Variants in ZNF787 observed in about 807,000 individuals in gnomAD.
The protein encoded by ZNF787 is TTF-I-interacting peptide 20.
In ZNF787, 7 loss-of-function variants were observed where a neutral mutation model predicts 16.9. The ratio of observed to expected loss-of-function variants is 0.42; its 90% confidence interval spans 0.24 to 0.78. ZNF787 has a LOEUF of 0.78. ZNF787 is among the 30% of genes least tolerant of loss of function. The pLI is 0.30. For missense variants in ZNF787, 551 were observed against 589.3 expected, an observed-to-expected ratio of 0.94 and a Z score of 0.67; for synonymous variants, 345 against 270.9, an observed-to-expected ratio of 1.27 and a Z score of -2.69.
chr19:56,101,312 C>A (rs998011202), intron 2 of ZNF787, among the ~76,000 whole-genome samples: 1 of 152,260 alleles, frequency 6.6e-6, no homozygotes, highest in Non-Finnish European at 1.5e-5. Flanking sequence ...TCTTTGACAG[C>A]CGAGCAAGGG....
intron 2 of ZNF787, among the ~76,000 whole-genome samples, chr19:56,091,925 A>AGCCGCAGCCGCAGCCGC (rs1568523344): frequency 9.9e-6 from 1 of 101,058 alleles, no homozygotes; most frequent in East Asian, 2.2e-4. Flanking sequence ...GCCGCAGCCG[A>AGCCGCAGCCGCAGCCGC]AGCCGAAGCC....
intron 2 of ZNF787, among the ~76,000 whole-genome samples, chr19:56,090,246 G>A (rs1034275579): frequency 1.3e-5 from 2 of 152,282 alleles, no homozygotes; most frequent in Admixed American, 6.5e-5. Flanking sequence ...ACACTTCAGC[G>A]TCAGGTCCTC....
chr19:56,120,647 G>A (rs1052961097), intron 1 of ZNF787, among the ~76,000 whole-genome samples: 11 of 151,910 alleles, frequency 7.2e-5, no homozygotes, highest in African/African-American at 2.7e-4. Flanking sequence ...GGCTGGGGGG[G>A]CCGAGGGCTG....
At chr19:56,105,941 C>T (rs1444699817) in intron 1 of ZNF787, among the ~76,000 whole-genome samples, 1 of 144,672 alleles carries the variant, frequency 6.9e-6, no homozygotes, top group Non-Finnish European at 1.5e-5. Context: ...CGGCAGTCAC[C>T]GCGCATTCCC....
chr19:56,101,891 G>A (rs1243139782), intron 2 of ZNF787: 1 of 152,212 alleles, frequency 6.6e-6, no homozygotes, highest in African/African-American at 2.4e-5. Context: ...CAGCCCTCGA[G>A]GGCTGTGGCG....
intron 2 of ZNF787, among the ~76,000 whole-genome samples, chr19:56,096,255 A>AAAAAATT (rs1481029884): frequency 1.0e-3 from 25 of 24,964 alleles, no homozygotes; most frequent in Non-Finnish European, 4.0e-3. Context: ...TAAAAAAATA[A>AAAAAATT]AAAAAATAAA....
At chr19:56,108,186 T>G (rs2029883602) in intron 1 of ZNF787, among the ~76,000 whole-genome samples, 1 of 151,956 alleles carries the variant, frequency 6.6e-6, no homozygotes, top group African/African-American at 2.4e-5. Context: ...AAGGCAGCCC[T>G]GCCAGGAGGC....
At chr19:56,118,042 T>C (rs867374110) in intron 1 of ZNF787, among the ~76,000 whole-genome samples, 1 of 152,244 alleles carries the variant, frequency 6.6e-6, no homozygotes, top group Admixed American at 6.5e-5. Flanking sequence ...AGCCTCAAGT[T>C]GCCAGGTCCC....
At chr19:56,093,654 A>C (rs936691550) in intron 2 of ZNF787, among the ~76,000 whole-genome samples, 9 of 152,160 alleles carry the variant, frequency 5.9e-5, no homozygotes, top group African/African-American at 2.2e-4. Context: ...CGGGGTTCAC[A>C]GGGCTGTTGC....
intron 2 of ZNF787, 70 bp from the exon 3 acceptor site, chr19:56,089,162 C>T (rs1030918754): frequency 1.5e-5 from 19 of 1,246,218 alleles, no homozygotes; most frequent in Admixed American, 6.8e-5. Flanking sequence ...TTGGCTGCTA[C>T]GCTGGCCTCG....
chr19:56,112,664 C>A (rs2030014973), intron 1 of ZNF787, among the ~76,000 whole-genome samples: 1 of 151,080 alleles, frequency 6.6e-6, no homozygotes, highest in Non-Finnish European at 1.5e-5. Context: ...GTCTCTTATT[C>A]CTTCCCCTCT....
intron 2 of ZNF787, among the ~76,000 whole-genome samples, chr19:56,100,630 G>GCCAACACCCGCCACC: frequency 6.6e-6 from 1 of 152,044 alleles, no homozygotes; most frequent in Non-Finnish European, 1.5e-5. Flanking sequence ...CCATGGCCAG[G>GCCAACACCCGCCACC]CCAACACCCG....
Position 56,087,658 on chromosome 19 carries a change from C to G in ZNF787, c.*365G>C, listed in dbSNP as rs890012727. Reference sequence around the variant, plus strand: ...TAAAGGGCCTGGTTTCTCCATTCCTCGCAGCACCCCCCACCCCCGCCCCGG... The same window carrying G: ...TAAAGGGCCTGGTTTCTCCATTCCTGGCAGCACCCCCCACCCCCGCCCCGG... On this transcript the variant is annotated 3_prime_UTR_variant, in exon 3 of 3. Coordinates refer to ENST00000610935, the MANE Select transcript of ZNF787 (RefSeq NM_001002836.4). 5.4e-6 allele frequency: 1 copy of G among 184,448 alleles called. No homozygotes were observed. Among genetic ancestry groups the G allele is most frequent in the East Asian group, 1.4e-4 (1 of 7,194 alleles). 11.4% of individuals were successfully genotyped at this position (184,448 alleles called of 1,614,324 possible). A position where few individuals can be genotyped will look rare whatever the true frequency, so the allele number is the denominator to read the frequency against.
intron 2 of ZNF787, among the ~76,000 whole-genome samples, chr19:56,092,040 G>C (rs1177350111): frequency 2.7e-5 from 4 of 150,202 alleles, no homozygotes; most frequent in African/African-American, 1.0e-4. Context: ...CGAAGCCGAA[G>C]CCGAAGCCTC....
At chr19:56,098,923 G>A (rs1041631869) in intron 2 of ZNF787, among the ~76,000 whole-genome samples, 1 of 151,910 alleles carries the variant, frequency 6.6e-6, no homozygotes, top group Admixed American at 6.5e-5. Flanking sequence ...AGAGAGAAGT[G>A]GCACAGCAGG....
At chr19:56,114,141 C>T (rs1292243172) in intron 1 of ZNF787, among the ~76,000 whole-genome samples, 1 of 152,220 alleles carries the variant, frequency 6.6e-6, no homozygotes, top group Non-Finnish European at 1.5e-5. Flanking sequence ...TCCCCAGGCA[C>T]CACAGGGTTC....
chr19:56,097,352 C>T (rs1204345857), intron 2 of ZNF787, among the ~76,000 whole-genome samples: 2 of 152,230 alleles, frequency 1.3e-5, no homozygotes, highest in African/African-American at 4.8e-5. Flanking sequence ...CAAAAACGCC[C>T]CAGGTCAATC....
intron 2 of ZNF787, among the ~76,000 whole-genome samples, chr19:56,099,538 C>T (rs1472270351): frequency 6.6e-6 from 1 of 152,030 alleles, no homozygotes; most frequent in Non-Finnish European, 1.5e-5. Context: ...CGGTGAAACC[C>T]AGTCTCTACC....
intron 2 of ZNF787, among the ~76,000 whole-genome samples, chr19:56,094,141 A>G (rs1985774195): frequency 6.6e-6 from 1 of 150,384 alleles, no homozygotes; most frequent in South Asian, 2.1e-4. Flanking sequence ...CTCATGCCTC[A>G]GCCTCCCGAG....
Sources: allele counts gnomAD v4.1 joint callset (sites outside exome capture counted in the v4.1 genomes callset), GRCh38; gene constraint gnomAD v4.1.1; transcripts MANE v1.5; gene names NCBI Gene and HGNC (gene_info 2026-07-23, HGNC 2026-07-21).